CASTOR2: variants seen among roughly 807,000 people sequenced by gnomAD.
CASTOR2 encodes cytosolic arginine sensor for mTORC1 subunit 2.
A neutral mutation model predicts 31.2 loss-of-function variants in CASTOR2; 8 were observed. That is an observed-to-expected ratio of 0.26 (90% confidence interval 0.15 to 0.46). The LOEUF is 0.46. Ranked by LOEUF, CASTOR2 falls within the 20% of genes least tolerant of loss-of-function variation. CASTOR2 has a pLI of 0.99. For missense variants in CASTOR2, 216 were observed against 382.1 expected (o/e 0.57, Z 3.62); for synonymous variants, 162 against 158.7 (o/e 1.02, Z -0.16).
rs1219455373 is a variant in CASTOR2 at position 74,972,357 on chromosome 7, C to T, written c.113+7259C>T. ...CTGGTCTCGAACTCCTGACCTCAGA[C>T]GCTCCACCTGCCTTGGCCTCCCCAA... is the stretch of plus-strand genomic sequence containing the variant. On this transcript the variant is annotated intron_variant, in intron 1 of 8. Transcript: ENST00000616305. 4.2e-4 allele frequency among the ~76,000 whole-genome samples: 63 copies of T among 149,684 alleles called. 2 individuals are homozygous for T. Among genetic ancestry groups the T allele is most frequent in the Admixed American group, 2.6e-3 (38 of 14,854 alleles).
At chr7:74,997,899 G>T (rs1299420979) in intron 1 of CASTOR2, among the ~76,000 whole-genome samples, 9 of 152,108 alleles carry the variant, frequency 5.9e-5, no homozygotes, top group Non-Finnish European at 1.3e-4. Flanking sequence ...TGCCTGCTGG[G>T]TAATATTCTG....
chr7:74,969,956 C>T (rs587727381), intron 1 of CASTOR2, among the ~76,000 whole-genome samples: 4 of 146,616 alleles, frequency 2.7e-5, no homozygotes, highest in South Asian at 4.6e-4. Context: ...TTTTGCAGAG[C>T]GGTGAAGACA....
In CASTOR2 at chr7:74,971,971, G is replaced by C. The variant is rs370264216; in HGVS notation, c.113+6873G>C. ...CCCCTCTGTTTTTTTATTAATATTA[G>C]TATGGAGACATCTCTTTATTTATTT... On this transcript the variant is annotated intron_variant, in intron 1 of 8. Transcript: ENST00000616305. 5.4e-5 allele frequency among the ~76,000 whole-genome samples: 8 copies of C among 147,630 alleles called. No individual in the cohort carries two copies. The South Asian group carries it at 1.7e-3, about 32-fold the overall frequency.
rs1463270331 is a variant in CASTOR2, at chr7:74,969,286, T to C, written c.113+4188T>C. Reference sequence around the variant, plus strand: ...TTGGCTTTGGTGGGCCTTTTCTTTTTTTTTTTTTTTTTTGGAGATAGGGTC... The same window carrying C: ...TTGGCTTTGGTGGGCCTTTTCTTTTCTTTTTTTTTTTTTGGAGATAGGGTC... On this transcript the variant is annotated intron_variant, in intron 1 of 8. Transcript: ENST00000616305. 8.3e-4 allele frequency among the ~76,000 whole-genome samples: 98 copies of C among 117,726 alleles called. 4 individuals are homozygous for C. The highest frequency in any genetic ancestry group is 1.9e-3 in the African/African-American group (55 of 28,216). 77.2% of individuals were successfully genotyped at this position (117,726 alleles called of 152,430 possible). A position where few individuals can be genotyped will look rare whatever the true frequency, so the allele number is the denominator to read the frequency against.
chr7:74,996,484 A>G (rs1361408221), intron 1 of CASTOR2, among the ~76,000 whole-genome samples: 17 of 151,630 alleles, frequency 1.1e-4, no homozygotes, highest in Non-Finnish European at 2.2e-4. Flanking sequence ...TTTAGGGTCA[A>G]ATATTTCCAT....
Position 75,027,670 on chromosome 7 carries a change from G to A in CASTOR2, c.*2971G>A, listed in dbSNP as rs1805175773. ...CGCCCTGGCTGGCTCTGCAGGGGTG[G>A]TCCCTGTTCAAGCCCGCTCCGTGGG... On this transcript the variant is annotated 3_prime_UTR_variant, in exon 9 of 9. Transcript: ENST00000616305. 1 of 323,044 alleles carries A rather than the reference G, an allele frequency of 3.1e-6. No individual in the cohort carries two copies. The highest frequency in any genetic ancestry group is 5.9e-6 in the Non-Finnish European group (1 of 170,478). 20.0% of individuals were successfully genotyped at this position (323,044 alleles called of 1,614,324 possible).
At chr7:75,010,286 C>T (rs1804708608) in intron 2 of CASTOR2, among the ~76,000 whole-genome samples, 1 of 151,988 alleles carries the variant, frequency 6.6e-6, no homozygotes, top group Non-Finnish European at 1.5e-5. Context: ...AGTACAGGAG[C>T]AGAAGCAAGG....
chr7:74,983,778 G>A (rs1224490233), intron 1 of CASTOR2, among the ~76,000 whole-genome samples: 5 of 149,916 alleles, frequency 3.3e-5, no homozygotes, highest in East Asian at 2.0e-4. Flanking sequence ...TCCCAGGCAG[G>A]TCACCCTACC....
intron 1 of CASTOR2, among the ~76,000 whole-genome samples, chr7:75,003,944 C>G (rs1342728428): frequency 1.3e-5 from 2 of 152,138 alleles, no homozygotes; most frequent in African/African-American, 4.8e-5. Flanking sequence ...GTCACTTCAA[C>G]AACATATTTA....
In CASTOR2 at chr7:75,027,689, C is replaced by T. The variant is rs1331843502; in HGVS notation, c.*2990C>T. ...GGGGTGGTCCCTGTTCAAGCCCGCT[C>T]CGTGGGAGCTGCCCCCTGGGGACCC... is the stretch of plus-strand genomic sequence containing the variant. On this transcript the variant is annotated 3_prime_UTR_variant, in exon 9 of 9. Coordinates refer to ENST00000616305, the MANE Select transcript of CASTOR2 (RefSeq NM_001145064.3). The T allele has an allele frequency of 8.3e-6, 3 of 362,500 alleles. No individual in the cohort carries two copies. Among genetic ancestry groups the T allele is most frequent in the Admixed American group, 4.4e-5 (1 of 22,828 alleles). 22.5% of individuals were successfully genotyped at this position (362,500 alleles called of 1,614,324 possible). A position where few individuals can be genotyped will look rare whatever the true frequency, so the allele number is the denominator to read the frequency against.
chr7:74,972,749 G>A lies in CASTOR2; in HGVS notation c.113+7651G>A, dbSNP rs1287569980. Among the ~76,000 whole-genome samples the A allele has an allele frequency of 2.7e-5, 4 of 149,978 alleles. 1 individual carries two copies. The South Asian group carries it at 8.5e-4, about 32-fold the overall frequency. On this transcript the variant is annotated intron_variant, in intron 1 of 8. Coordinates refer to ENST00000616305, the MANE Select transcript of CASTOR2 (RefSeq NM_001145064.3). ...GCCTGGAGTGCAATGGCGCAATCTC[G>A]GCTCACTGCAACCTTCGCCTCCCAG... is the stretch of plus-strand genomic sequence containing the variant.
chr7:75,009,131 A>G (rs1242482127), intron 2 of CASTOR2, among the ~76,000 whole-genome samples: 76 of 143,330 alleles, frequency 5.3e-4, no homozygotes, highest in African/African-American at 1.8e-3. Flanking sequence ...TAATGTTTGT[A>G]TTTTTTAGTA....
chr7:74,999,991 G>A (rs1431518678), intron 1 of CASTOR2, among the ~76,000 whole-genome samples: 5 of 152,292 alleles, frequency 3.3e-5, no homozygotes, highest in African/African-American at 7.2e-5. Flanking sequence ...TTGGGAGGCC[G>A]AGGCTTGGGA....
At chr7:74,980,610 C>A (rs1182223884) in intron 1 of CASTOR2, among the ~76,000 whole-genome samples, 1 of 136,310 alleles carries the variant, frequency 7.3e-6, no homozygotes, top group Non-Finnish European at 1.5e-5. Context: ...ATGCAAGCCT[C>A]GGCGAGGTGG....
intron 7 of CASTOR2, among the ~76,000 whole-genome samples, chr7:75,023,070 A>C (rs1805042363): frequency 6.6e-6 from 1 of 152,198 alleles, no homozygotes; most frequent in Non-Finnish European, 1.5e-5. Flanking sequence ...GCACTTTGGG[A>C]GGCCGAGGCA....
intron 1 of CASTOR2, among the ~76,000 whole-genome samples, chr7:74,986,075 G>A (rs1287635922): frequency 2.4e-4 from 36 of 152,120 alleles, no homozygotes; most frequent in African/African-American, 8.2e-4. Context: ...CTACAGGCGC[G>A]CACCACCAAA....
chr7:74,997,747 T>C (rs1269246045), intron 1 of CASTOR2, among the ~76,000 whole-genome samples: 2 of 151,946 alleles, frequency 1.3e-5, no homozygotes, highest in African/African-American at 4.8e-5. Flanking sequence ...GTTTTTTTTT[T>C]TTAATCATAG....
At chr7:74,993,036 T>A (rs1262155002) in intron 1 of CASTOR2, among the ~76,000 whole-genome samples, 1 of 149,416 alleles carries the variant, frequency 6.7e-6, no homozygotes, top group Non-Finnish European at 1.5e-5. Context: ...CCATCTCTTC[T>A]AAAAAATACA....
chr7:75,010,816 A>G (rs1357937441), intron 2 of CASTOR2, among the ~76,000 whole-genome samples: 1 of 151,830 alleles, frequency 6.6e-6, no homozygotes, highest in African/African-American at 2.4e-5. Context: ...TTATTGCCCA[A>G]GAAAAAAAAA....
Sources: allele counts gnomAD v4.1 joint callset (sites outside exome capture counted in the v4.1 genomes callset), GRCh38; gene constraint gnomAD v4.1.1; transcripts MANE v1.5; gene names NCBI Gene and HGNC (gene_info 2026-07-23, HGNC 2026-07-21).